The following RAPGEF3 variants were observed in gnomAD, a reference collection of about 807,000 sequenced individuals.
RAPGEF3 encodes the protein Rap guanine nucleotide exchange factor 3, also known as 9330170P05Rik.
Under a neutral mutation model 129.8 loss-of-function variants are expected in RAPGEF3, and 103 were observed. The observed-to-expected ratio is 0.79, with a 90% CI of 0.68 to 0.93. The LOEUF (loss-of-function observed/expected upper bound fraction) is 0.93, where lower values mean the gene tolerates loss of function less well. Ranked by LOEUF, RAPGEF3 falls within the 40% of genes least tolerant of loss-of-function variation. RAPGEF3 has a pLI of 0.00. For missense variants in RAPGEF3, 1,117 were observed against 1,207.4 expected (o/e 0.93, Z 1.11); for synonymous variants, 436 against 482.6 (o/e 0.90, Z 1.26).
At position 47,738,331 on chromosome 12, in the gene RAPGEF3, C is replaced by T. The variant is rs930013317; in HGVS notation, c.2527-84G>A. 12 of 1,547,542 alleles carry T rather than the reference C, an allele frequency of 7.8e-6. No individual in the cohort carries two copies. The African/African-American group carries it at 1.2e-4, about 16-fold the overall frequency. On this transcript the variant is annotated intron_variant, in intron 25 of 27. Transcript: ENST00000449771. ...TGCAGCAGCAGGGAGGCCAAGCTCCCTCTGAACCAAGGATCAGGGACTGTA... is the reference window on the plus strand; with the variant it reads ...TGCAGCAGCAGGGAGGCCAAGCTCCTTCTGAACCAAGGATCAGGGACTGTA...
chr12:47,757,898 G>A lies in RAPGEF3; in HGVS notation c.187C>T (p.Gln63Ter). ...AGCCCCTGGATGCAGCTCGGACGCT[G>A]GTGCTCCAGCAGCAGCTGGTAGGAG... is the stretch of plus-strand genomic sequence containing the variant. ...SCSYQLLLEH[Q>*]RPSCIQGLRW... Residue 63 changes from glutamine to a stop codon, truncating the protein, a stop_gained, in exon 2 of 28, where the codon CAG becomes TAG. Transcript: ENST00000449771. LOFTEE classifies it high-confidence loss of function. 1 of 1,556,648 alleles carries A rather than the reference G, an allele frequency of 6.4e-7. No homozygotes were observed. Among genetic ancestry groups the A allele is most frequent in the Non-Finnish European group, 8.7e-7 (1 of 1,150,194 alleles).
chr12:47,749,632 G>T lies in RAPGEF3; in HGVS notation c.895-96C>A. On this transcript the variant is annotated intron_variant, in intron 9 of 27. Coordinates refer to ENST00000449771, the MANE Select transcript of RAPGEF3 (RefSeq NM_001098531.4). The surrounding 1 kb of genome is among the most constrained non-coding windows in gnomAD (Gnocchi z 4.5). ...CACGGCAGGAGAACAACCCACACAG[G>T]AGACACGGGGTCAGCAGCAGTAGAT... 1 of 1,570,954 alleles carries T rather than the reference G, an allele frequency of 6.4e-7. No homozygotes were observed. Among genetic ancestry groups the T allele is most frequent in the Non-Finnish European group, 8.6e-7 (1 of 1,157,824 alleles).
At position 47,738,036 on chromosome 12, in the gene RAPGEF3, G is replaced by A. The variant is rs369531877; in HGVS notation, c.2639C>T (p.Ala880Val). 137 of 1,477,370 alleles carry A rather than the reference G, an allele frequency of 9.3e-5. No individual in the cohort carries two copies. Among genetic ancestry groups the A allele is most frequent in the East Asian group, 9.1e-4 (31 of 33,974 alleles). 91.5% of individuals were successfully genotyped at this position (1,477,370 alleles called of 1,614,324 possible). A position where few individuals can be genotyped will look rare whatever the true frequency, so the allele number is the denominator to read the frequency against. ...VSHLHEDSQV[A>V]RISTCSEQSL... ...CCACCACTTACATGTGGAAATCCTC[G>A]CCACCTGGCTGTCCTCGTGGAGGTG... Residue 880 changes from alanine (A) to valine (V), a missense_variant, in exon 27 of 28, where the codon GCG becomes GTG. This residue lies in a region of RAPGEF3 where 643 missense variants were observed against 673.4 expected (regional missense o/e 0.95). Coordinates refer to ENST00000449771, the MANE Select transcript of RAPGEF3 (RefSeq NM_001098531.4).
At chr12:47,741,727 T>G (rs752627161) in intron 18 of RAPGEF3, 125 bp from the exon 19 acceptor site, 17 of 763,848 alleles carry the variant, frequency 2.2e-5, no homozygotes, top group Non-Finnish European at 3.6e-5. Context: ...GGGGTTGAAG[T>G]CCTGGGTGGT....
chr12:47,747,637 C>A lies in RAPGEF3; in HGVS notation c.1474-11G>T, dbSNP rs1397890177. On this transcript the variant is annotated splice_polypyrimidine_tract_variant and intron_variant, in intron 14 of 27. Coordinates refer to ENST00000449771, the MANE Select transcript of RAPGEF3 (RefSeq NM_001098531.4). The stretch of plus-strand genomic sequence containing the variant: ...CAGGTCTGAGAGTTTCTAAGAAGAG[C>A]CAAGATTCACTGAGATGGCTGTAGC... 1 of 1,613,722 alleles carries A rather than the reference C, an allele frequency of 6.2e-7. No homozygotes were observed. The highest frequency in any genetic ancestry group is 8.5e-7 in the Non-Finnish European group (1 of 1,179,684).
intron 14 of RAPGEF3, 38 bp from the exon 15 acceptor site, chr12:47,747,664 G>A: frequency 6.2e-7 from 1 of 1,612,654 alleles, no homozygotes; most frequent in Non-Finnish European, 8.5e-7. Flanking sequence ...GGCTGTAGCT[G>A]CATCCACCCC....
intron 16 of RAPGEF3, 43 bp from the exon 17 acceptor site, chr12:47,744,111 AGAG>A: frequency 6.7e-7 from 1 of 1,495,258 alleles, no homozygotes. Flanking sequence ...GGAGGACATG[AGAG>A]GAGACCGTGG....
intron 2 of RAPGEF3, among the ~76,000 whole-genome samples, chr12:47,754,911 C>G (rs896990137): frequency 6.6e-6 from 1 of 152,226 alleles, no homozygotes; most frequent in Non-Finnish European, 1.5e-5. Context: ...AGCACTGTGG[C>G]CTGCCCCACC....
At chr12:47,746,263 CAGT>C in intron 16 of RAPGEF3, 1 of 254,608 alleles carries the variant, frequency 3.9e-6, no homozygotes, top group South Asian at 4.4e-5. Context: ...CTGGGACACA[CAGT>C]AGGGTGGGAC....
Position 47,749,933 on chromosome 12 carries a change from C to T in RAPGEF3, c.814G>A (p.Val272Met), listed in dbSNP as rs1263978891. 8 of 1,614,246 alleles carry T rather than the reference C, an allele frequency of 5.0e-6. No homozygotes were observed. Among genetic ancestry groups the T allele is most frequent in the East Asian group, 4.5e-5 (2 of 44,888 alleles). ...TCTTATGCCCTGCTGGACTTACACA[C>T]GGTCCCTGCCTTGCTGTGTGGTTCA... ...LFEPHSKAGT[V>M]LFSQGDKGTS... The change falls in exon 8 of 28, where the codon GTG becomes ATG. Residue 272 changes from valine to methionine, a missense_variant. By Grantham distance (21) the Val-to-Met change is conservative (BLOSUM62 1). Around this residue, in one of 3 missense-constraint regions of RAPGEF3, gnomAD observed 367 missense variants for 373.4 expected, o/e 0.98. Transcript: ENST00000449771. The surrounding 1 kb of genome is among the most constrained non-coding windows in gnomAD (Gnocchi z 4.5).
chr12:47,750,452 C>T (rs1003055572), intron 6 of RAPGEF3, 27 bp from the exon 7 acceptor site: 4 of 1,597,296 alleles, frequency 2.5e-6, no homozygotes, highest in South Asian at 1.1e-5. Flanking sequence ...AATGGGAGCA[C>T]ACTGTGAACT....
In RAPGEF3 at chr12:47,740,370, A is replaced by G; in HGVS notation, c.2257T>C (p.Ser753Pro). The G allele has an allele frequency of 6.2e-7, 1 of 1,613,978 alleles. No homozygotes were observed. Among genetic ancestry groups the G allele is most frequent in the Non-Finnish European group, 8.5e-7 (1 of 1,180,010 alleles). ...AHLKEQKNLN[S>P]FFAVMFGLSN... Reference sequence around the variant, plus strand: ...AGGCCAAACATGACGGCAAAGAAGGAATTGAGATTCTTCTGCTCCTTGAGG... The same window carrying G: ...AGGCCAAACATGACGGCAAAGAAGGGATTGAGATTCTTCTGCTCCTTGAGG... Residue 753 changes from serine to proline, a missense_variant, in exon 22 of 28, where the codon TCC becomes CCC. This residue lies in a region of RAPGEF3 where 643 missense variants were observed against 673.4 expected (regional missense o/e 0.95). Transcript: ENST00000449771.
intron 2 of RAPGEF3, 92 bp downstream of exon 2, chr12:47,757,774 G>T: frequency 7.9e-7 from 1 of 1,269,558 alleles, no homozygotes; most frequent in Non-Finnish European, 1.1e-6. Flanking sequence ...CCCAGAGCAA[G>T]CTGGGCCACC....
intron 19 of RAPGEF3, 80 bp downstream of exon 19, chr12:47,741,424 TG>T: frequency 7.3e-7 from 1 of 1,376,090 alleles, no homozygotes; most frequent in Non-Finnish European, 1.0e-6. Context: ...CTCTTCTCCC[TG>T]GGACCCTCCC....
At position 47,737,162 on chromosome 12, in the gene RAPGEF3, C is replaced by T. The variant is rs541240318; in HGVS notation, c.*405G>A. ...CTGCCCTTGCCACACACGGTACACACATGCAGCCTCTCTCTCTCTCTCTGT... is the reference window on the plus strand; with the variant it reads ...CTGCCCTTGCCACACACGGTACACATATGCAGCCTCTCTCTCTCTCTCTGT... On this transcript the variant is annotated 3_prime_UTR_variant, in exon 28 of 28. Transcript: ENST00000449771. The T allele has an allele frequency of 7.8e-4, 188 of 241,462 alleles. No homozygotes were observed. The highest frequency in any genetic ancestry group is 4.1e-3 in the African/African-American group (179 of 43,268). 15.0% of individuals were successfully genotyped at this position (241,462 alleles called of 1,614,324 possible).
At chr12:47,745,513 T>A (rs778136213) in intron 16 of RAPGEF3, 8 of 152,512 alleles carry the variant, frequency 5.2e-5, no homozygotes, top group Non-Finnish European at 1.0e-4. Flanking sequence ...TCCTCCTGGG[T>A]TCCCTTTCCT....
rs139532773 is a variant in RAPGEF3 at position 47,751,816 on chromosome 12, C to T, written c.287G>A (p.Arg96Gln). ...CAGCTGCCTCCCAGCCCTGAGCACC[C>T]GCTCTGTGGAGGCCTTAGAGGGAGG... ...SESLEQASTE[R>Q]VLRAGRQLHR... The change falls in exon 4 of 28, where the codon CGG becomes CAG. Residue 96 changes from arginine (R) to glutamine (Q), a missense_variant. Arg to Gln is a conservative substitution (Grantham distance 43). Coordinates refer to ENST00000449771, the MANE Select transcript of RAPGEF3 (RefSeq NM_001098531.4). 23 of 1,614,070 alleles carry T rather than the reference C, an allele frequency of 1.4e-5. No individual in the cohort carries two copies. The highest frequency in any genetic ancestry group is 9.3e-5 in the African/African-American group (7 of 74,928).
In RAPGEF3 at chr12:47,747,534, A is replaced by G. The variant is rs756502883; in HGVS notation, c.1556+10T>C. The G allele has an allele frequency of 6.2e-7, 1 of 1,612,634 alleles. No homozygotes were observed. The highest frequency in any genetic ancestry group is 1.1e-5 in the South Asian group (1 of 91,066). ...ATGGAAATGACAAATTAACAGAGTC[A>G]AAGCATCACCTGTGGCATCGCCGCC... is the stretch of plus-strand genomic sequence containing the variant. On this transcript the variant is annotated intron_variant, in intron 15 of 27. Transcript: ENST00000449771.
At chr12:47,748,387 G>T (rs1463133991) in intron 12 of RAPGEF3, 67 bp downstream of exon 12, 37 of 1,431,596 alleles carry the variant, frequency 2.6e-5, no homozygotes, top group Non-Finnish European at 3.4e-5. Context: ...AGGGTACCTG[G>T]CTCTCTCCCA....
Sources: allele counts gnomAD v4.1 joint callset (sites outside exome capture counted in the v4.1 genomes callset), GRCh38; gene constraint gnomAD v4.1.1; regional missense constraint gnomAD v4.1.1; non-coding constraint Gnocchi (gnomAD v3.1); transcripts MANE v1.5; gene names NCBI Gene and HGNC (gene_info 2026-07-23, HGNC 2026-07-21).